The following CUEDC1 variants were observed in gnomAD, a reference collection of about 807,000 sequenced individuals.
CUEDC1 encodes the protein CUE domain-containing protein 1.
A neutral mutation model predicts 43.7 loss-of-function variants in CUEDC1; 30 were observed. The ratio of observed to expected loss-of-function variants is 0.69; its 90% CI spans 0.51 to 0.93. The LOEUF is 0.93. Among genes scored for constraint, CUEDC1 ranks in the 40% least tolerant of loss-of-function variants. The pLI, the probability that CUEDC1 is intolerant of heterozygous loss-of-function variation, is 0.00. For synonymous variants in CUEDC1, 223 were observed against 223.6 expected (o/e 1.00, Z 0.02); for missense variants, 486 against 549.0 (o/e 0.89, Z 1.15).
rs577908792 is a variant in CUEDC1 at position 57,909,636 on chromosome 17, C to T, written c.-315-23757G>A. ...ACCCAGGCAGAGAGAAGCTGGGGTCCAGCTGGGAGCCTAAATTCTGATGTC... is the reference window on the plus strand; with the variant it reads ...ACCCAGGCAGAGAGAAGCTGGGGTCTAGCTGGGAGCCTAAATTCTGATGTC... On this transcript the variant is annotated intron_variant, in intron 1 of 10. Coordinates refer to ENST00000577830, the MANE Select transcript of CUEDC1 (RefSeq NM_001271875.2). Among the ~76,000 whole-genome samples, 187 of 152,340 alleles carry T rather than the reference C, an allele frequency of 1.2e-3. 4 individuals carry two copies. Among genetic ancestry groups the T allele is most frequent in the South Asian group, 9.5e-3 (46 of 4,826 alleles).
In CUEDC1 at chr17:57,885,238, G is replaced by A. The variant is rs776987481; in HGVS notation, c.327C>T (p.Ile109=). ...YEDSSDSEDS[I]PPEILERTLE... ...CGGGCTGCGCCCCTACCTCCGGGGG[G>A]ATGCTGTCCTCCGAGTCGGAGCTGT... The change falls in exon 2 of 11, where the codon ATC becomes ATT. Residue 109 remains isoleucine, a synonymous_variant. Coordinates refer to ENST00000577830, the MANE Select transcript of CUEDC1 (RefSeq NM_001271875.2). 2 of 1,577,290 alleles carry A rather than the reference G, an allele frequency of 1.3e-6. No individual in the cohort carries two copies. The highest frequency in any genetic ancestry group is 1.2e-5 in the South Asian group (1 of 86,180).
chr17:57,866,993 C>T, intron 9 of CUEDC1: 1 of 389,568 alleles, frequency 2.6e-6, no homozygotes, highest in Middle Eastern at 7.3e-4. Context: ...GTTGAGAAGC[C>T]TCTGGGCCCA....
At chr17:57,863,326 G>A (rs954214780) in intron 10 of CUEDC1, 41 bp from the exon 11 acceptor site, 1 of 152,434 alleles carries the variant, frequency 6.6e-6, no homozygotes, top group Non-Finnish European at 1.5e-5. Context: ...CTTTTTCAAA[G>A]GAGCCCAATG....
intron 1 of CUEDC1, among the ~76,000 whole-genome samples, chr17:57,923,104 G>T (rs1408964424): frequency 6.6e-6 from 1 of 152,122 alleles, no homozygotes; most frequent in Non-Finnish European, 1.5e-5. Flanking sequence ...AGGATTACAG[G>T]CATGAGCCTC....
chr17:57,933,875 G>A (rs2074834220), intron 1 of CUEDC1, among the ~76,000 whole-genome samples: 4 of 152,108 alleles, frequency 2.6e-5, no homozygotes, highest in Admixed American at 2.6e-4. Context: ...AGACTCCCCA[G>A]GAGCATCTGG....
rs1308098407 is a variant in CUEDC1, at chr17:57,930,752, G to C, written c.-316+24473C>G. ...AAGAGCTGGAAGCCTGGGAGGAAGG[G>C]ATGTGCTGTGGCCAACACAGGAGGG... On this transcript the variant is annotated intron_variant, in intron 1 of 10. Coordinates refer to ENST00000577830, the MANE Select transcript of CUEDC1 (RefSeq NM_001271875.2). This position sits in a 1 kb window ranked among gnomAD's most constrained non-coding sequence, Gnocchi z 4.2. 6.6e-6 allele frequency among the ~76,000 whole-genome samples: 1 copy of C among 152,168 alleles called. No individual in the cohort carries two copies.
intron 1 of CUEDC1, among the ~76,000 whole-genome samples, chr17:57,936,238 C>A (rs2074860756): frequency 6.6e-6 from 1 of 152,158 alleles, no homozygotes; most frequent in African/African-American, 2.4e-5. Flanking sequence ...CTCCCAGGGC[C>A]CCTGAGTGCA....
intron 5 of CUEDC1, among the ~76,000 whole-genome samples, 192 bp from the exon 6 acceptor site, chr17:57,871,561 G>C (rs907670270): frequency 4.6e-5 from 7 of 152,206 alleles, no homozygotes; most frequent in African/African-American, 1.4e-4. Flanking sequence ...ACTACCGCCT[G>C]ACAGCCATCT....
rs145177573 is a variant in CUEDC1 at position 57,861,523 on chromosome 17, G to A, written c.*1766C>T. The A allele has an allele frequency of 6.6e-6, 1 of 152,540 alleles. No homozygotes were observed. The highest frequency in any genetic ancestry group is 1.5e-5 in the Non-Finnish European group (1 of 68,206). The allele number at this position is 152,540 out of a possible 1,614,324, so 9.4% of individuals were successfully genotyped here. On this transcript the variant is annotated 3_prime_UTR_variant, in exon 11 of 11. Transcript: ENST00000577830. ...AGGGATGCGACGCGGGGCTCCTGGG[G>A]ACAAACCCTGCCCCAGGCCGGGAGG...
intron 1 of CUEDC1, among the ~76,000 whole-genome samples, chr17:57,908,009 G>A (rs1267928705): frequency 3.9e-5 from 6 of 152,046 alleles, no homozygotes; most frequent in South Asian, 2.1e-4. Flanking sequence ...GCTGAACACC[G>A]TTGTGACTGG....
intron 1 of CUEDC1, among the ~76,000 whole-genome samples, chr17:57,916,363 T>G (rs1288592691): frequency 6.6e-6 from 1 of 152,156 alleles, no homozygotes; most frequent in Non-Finnish European, 1.5e-5. Context: ...CCAAAAGGCT[T>G]CCTGTCAGGC....
chr17:57,939,473 T>C (rs1484940723), intron 1 of CUEDC1, among the ~76,000 whole-genome samples: 1 of 147,632 alleles, frequency 6.8e-6, no homozygotes, highest in Non-Finnish European at 1.5e-5. Context: ...GGGGAGAGGG[T>C]CTCACTATGT....
intron 1 of CUEDC1, among the ~76,000 whole-genome samples, chr17:57,914,333 G>GT (rs2074615577): frequency 6.6e-6 from 1 of 152,184 alleles, no homozygotes; most frequent in Admixed American, 6.5e-5. Context: ...AGTCCACAGG[G>GT]TATCTCTGCT....
chr17:57,872,973 G>A (rs1334903922), intron 4 of CUEDC1, 118 bp from the exon 5 acceptor site: 2 of 939,642 alleles, frequency 2.1e-6, no homozygotes, highest in Non-Finnish European at 3.1e-6. Context: ...CTCACCTGAG[G>A]CTCACACCTC....
At position 57,893,070 on chromosome 17, in the gene CUEDC1, G is replaced by C. The variant is rs1448388438; in HGVS notation, c.-315-7191C>G. The stretch of plus-strand genomic sequence containing the variant: ...AGGACACGCAGGCCAGGCTCACTCT[G>C]TCTCATTGGGAATCCAGGCTGCAAA... On this transcript the variant is annotated intron_variant, in intron 1 of 10. Coordinates refer to ENST00000577830, the MANE Select transcript of CUEDC1 (RefSeq NM_001271875.2). 2.0e-5 allele frequency among the ~76,000 whole-genome samples: 3 copies of C among 152,232 alleles called. No individual in the cohort carries two copies. In the East Asian group the frequency reaches 5.8e-4, roughly 29 times the overall value.
chr17:57,877,931 A>G (rs2074149851), intron 3 of CUEDC1, among the ~76,000 whole-genome samples: 1 of 149,180 alleles, frequency 6.7e-6, no homozygotes, highest in Admixed American at 6.7e-5. Flanking sequence ...CATTTAGCCC[A>G]GGGCTCTGTG....
At chr17:57,872,637 G>A (rs2074049478) in intron 5 of CUEDC1, 26 bp downstream of exon 5, 5 of 1,612,574 alleles carry the variant, frequency 3.1e-6, no homozygotes, top group Non-Finnish European at 4.2e-6. Flanking sequence ...TTCAGCCAGG[G>A]AGAAGTGGCT....
intron 1 of CUEDC1, among the ~76,000 whole-genome samples, chr17:57,936,875 C>T (rs1370109515): frequency 6.8e-6 from 1 of 146,930 alleles, no homozygotes; most frequent in Non-Finnish European, 1.5e-5. Context: ...CGCTGGAGTA[C>T]AGTGGCGTGA....
At chr17:57,905,130 C>T (rs2074514828) in intron 1 of CUEDC1, among the ~76,000 whole-genome samples, 2 of 152,092 alleles carry the variant, frequency 1.3e-5, no homozygotes, top group South Asian at 4.1e-4. Context: ...ACTGGGCCTT[C>T]CTGAGCGAAT....
Sources: gnomAD v4.1 joint callset for allele counts (sites outside exome capture counted in the v4.1 genomes callset) on GRCh38, gnomAD v4.1.1 for gene constraint, Gnocchi (gnomAD v3.1) non-coding constraint, MANE v1.5 for transcripts, NCBI Gene and HGNC (gene_info 2026-07-23, HGNC 2026-07-21) for gene names.